DLC1: variants seen among roughly 807,000 people sequenced by gnomAD.
DLC1 encodes the protein DLC1 Rho GTPase activating protein.
In DLC1, 54 loss-of-function variants were observed where a neutral mutation model predicts 140.3. The observed-to-expected ratio is 0.38, with a 90% CI of 0.31 to 0.48. DLC1 has a LOEUF of 0.48. DLC1 is among the 20% of genes least tolerant of loss of function. The pLI is 0.96. For missense variants in DLC1, 2,536 were observed against 1,907.0 expected (o/e 1.33, Z -6.14); for synonymous variants, 986 against 728.1 (o/e 1.35, Z -5.70).
At chr8:13,120,765 C>T (rs1820995303) in intron 5 of DLC1, among the ~76,000 whole-genome samples, 1 of 152,118 alleles carries the variant, frequency 6.6e-6, no homozygotes, top group African/African-American at 2.4e-5. Flanking sequence ...CAGTTCTGGA[C>T]ATTAGATGGA....
intron 4 of DLC1, among the ~76,000 whole-genome samples, chr8:13,346,068 C>T (rs1450937512): frequency 6.6e-6 from 1 of 152,128 alleles, no homozygotes; most frequent in Non-Finnish European, 1.5e-5. Flanking sequence ...AAGCTAGATA[C>T]TTGTCAATAC....
chr8:13,343,215 C>G (rs964785695), intron 4 of DLC1, among the ~76,000 whole-genome samples: 21 of 152,274 alleles, frequency 1.4e-4, no homozygotes, highest in African/African-American at 5.1e-4. Flanking sequence ...ATTGGGTCAT[C>G]CATGAATACC....
intron 5 of DLC1, among the ~76,000 whole-genome samples, chr8:13,227,691 G>A (rs117727174): frequency 0.05 from 7,612 of 152,228 alleles, 258 homozygotes; most frequent in Non-Finnish European, 0.076. Context: ...TTAGACATAC[G>A]TGTTGCAAGA....
At chr8:13,105,117 G>A (rs190320871) in intron 7 of DLC1, among the ~76,000 whole-genome samples, 4 of 152,296 alleles carry the variant, frequency 2.6e-5, no homozygotes, top group Admixed American at 1.3e-4. Flanking sequence ...GGCCTATGGG[G>A]CTGGAGAGGG....
At chr8:13,476,050 C>G (rs1800420547) in intron 2 of DLC1, among the ~76,000 whole-genome samples, 1 of 152,080 alleles carries the variant, frequency 6.6e-6, no homozygotes, top group South Asian at 2.1e-4. Flanking sequence ...AGTAGGTTGC[C>G]TCGTGAAGCA....
chr8:13,170,637 G>C (rs1199783864), intron 5 of DLC1, among the ~76,000 whole-genome samples: 1 of 151,412 alleles, frequency 6.6e-6, no homozygotes, highest in Non-Finnish European at 1.5e-5. Flanking sequence ...GGCTGAGGCA[G>C]GAGAATGGCG....
At chr8:13,525,555 T>A (rs911665970) in intron 1 of DLC1, among the ~76,000 whole-genome samples, 2 of 152,228 alleles carry the variant, frequency 1.3e-5, no homozygotes, top group Non-Finnish European at 2.9e-5. Flanking sequence ...CATTTCTCAT[T>A]GTGGTTTTAA....
In DLC1 at chr8:13,305,143, T is replaced by A. The variant is rs547828912; in HGVS notation, c.1348+126A>T. 5.0e-4 allele frequency: 694 copies of A among 1,384,392 alleles called. 7 individuals are homozygous for A. The South Asian group carries it at 7.7e-3, about 15-fold the overall frequency. 85.8% of individuals were successfully genotyped at this position (1,384,392 alleles called of 1,614,324 possible). ...CAAAACAAATTTCTTTTACAGAATT[T>A]AAACAACATTTTCCCATATATTCAT... is the stretch of plus-strand genomic sequence containing the variant. On this transcript the variant is annotated intron_variant, in intron 5 of 17. Coordinates refer to ENST00000276297, the MANE Select transcript of DLC1 (RefSeq NM_182643.3).
chr8:13,351,657 A>G lies in DLC1; in HGVS notation c.1314+41896T>C, dbSNP rs530606557. Among the ~76,000 whole-genome samples the G allele has an allele frequency of 3.3e-5, 5 of 152,348 alleles. 1 individual carries two copies. Among genetic ancestry groups the G allele is most frequent in the African/African-American group, 1.2e-4 (5 of 41,588 alleles). Reference sequence around the variant, plus strand: ...ATTGTTTATGTGACGTCTGCACTACAACAGCAGAATTGAATACGTGGGACA... The same window carrying G: ...ATTGTTTATGTGACGTCTGCACTACGACAGCAGAATTGAATACGTGGGACA... On this transcript the variant is annotated intron_variant, in intron 4 of 17. Transcript: ENST00000276297.
chr8:13,483,644 G>T (rs1247944940), intron 2 of DLC1, among the ~76,000 whole-genome samples: 4 of 152,136 alleles, frequency 2.6e-5, no homozygotes, highest in Non-Finnish European at 4.4e-5. Context: ...GTTTAAGTTT[G>T]CTGTAAAGTA....
At chr8:13,302,159 T>C (rs1443927859) in intron 5 of DLC1, among the ~76,000 whole-genome samples, 1 of 152,218 alleles carries the variant, frequency 6.6e-6, no homozygotes, top group South Asian at 2.1e-4. Context: ...TTTGATTTGA[T>C]TCCTTGCCTG....
chr8:13,516,046 G>A (rs938682194), upstream of DLC1, among the ~76,000 whole-genome samples: 11 of 152,146 alleles, frequency 7.2e-5, no homozygotes, highest in African/African-American at 1.2e-4. Context: ...TACCAGGGAA[G>A]CAGGAAACAG....
At chr8:13,152,774 G>A (rs932501818) in intron 5 of DLC1, among the ~76,000 whole-genome samples, 4 of 126,432 alleles carry the variant, frequency 3.2e-5, no homozygotes, top group Admixed American at 2.0e-4. Context: ...CCATGATCTT[G>A]CCACTGCACT....
intron 1 of DLC1, among the ~76,000 whole-genome samples, chr8:13,548,388 A>G (rs1459798721): frequency 1.3e-5 from 2 of 151,938 alleles, no homozygotes; most frequent in Non-Finnish European, 2.9e-5. Flanking sequence ...CCAGTATTAA[A>G]TTGAATTAAT....
chr8:13,146,004 C>A (rs778105466), intron 5 of DLC1, among the ~76,000 whole-genome samples: 4 of 152,046 alleles, frequency 2.6e-5, no homozygotes. Flanking sequence ...TAGGGCCGGG[C>A]GCAGTGGCTC....
At chr8:13,129,722 G>A (rs981822302) in intron 5 of DLC1, among the ~76,000 whole-genome samples, 1 of 152,196 alleles carries the variant, frequency 6.6e-6, no homozygotes, top group African/African-American at 2.4e-5. Flanking sequence ...TGTGGGTCTG[G>A]ATGCGAGTCA....
intron 1 of DLC1, among the ~76,000 whole-genome samples, chr8:13,523,639 T>C (rs1802826590): frequency 6.6e-6 from 1 of 152,140 alleles, no homozygotes; most frequent in African/African-American, 2.4e-5. Flanking sequence ...TAATTGGCTA[T>C]TAGATTTAAG....
intron 1 of DLC1, among the ~76,000 whole-genome samples, chr8:13,577,631 C>G (rs187346114): frequency 2.0e-5 from 3 of 152,044 alleles, no homozygotes; most frequent in Non-Finnish European, 2.9e-5. Context: ...AAAACAAATA[C>G]TTTTATGTTT....
At chr8:13,265,620 C>T (rs1188562314) in intron 5 of DLC1, among the ~76,000 whole-genome samples, 14 of 151,920 alleles carry the variant, frequency 9.2e-5, no homozygotes, top group Non-Finnish European at 1.5e-4. Flanking sequence ...GGCCGTTTAC[C>T]ATCATCTTCC....
Sources: gnomAD v4.1 joint callset for allele counts (sites outside exome capture counted in the v4.1 genomes callset) on GRCh38, gnomAD v4.1.1 for gene constraint, MANE v1.5 for transcripts, NCBI Gene and HGNC (gene_info 2026-07-23, HGNC 2026-07-21) for gene names.